IL5RA: variants seen among roughly 807,000 people sequenced by gnomAD.
The protein encoded by IL5RA is interleukin 5 receptor subunit alpha, also known as interleukin-5 receptor subunit alpha.
In IL5RA, 49 loss-of-function variants were observed where a neutral mutation model predicts 50.0. The observed-to-expected ratio is 0.98, with a 90% CI of 0.78 to 1.24. IL5RA has a LOEUF of 1.24. IL5RA is among the 50% of genes most tolerant of loss of function. The pLI is 0.00. For missense variants in IL5RA, 600 were observed against 500.4 expected, an observed-to-expected ratio of 1.20 and a Z score of -1.90; for synonymous variants, 202 against 174.0, an observed-to-expected ratio of 1.16 and a Z score of -1.26.
At chr3:3,086,440 G>A (rs1249405449) in intron 9 of IL5RA, among the ~76,000 whole-genome samples, 1 of 152,040 alleles carries the variant, frequency 6.6e-6, no homozygotes, top group Non-Finnish European at 1.5e-5. Context: ...AGTTTAAAAA[G>A]GAGAAAGACA....
At chr3:3,104,826 T>A in intron 3 of IL5RA, 77 bp downstream of exon 3, 1 of 880,340 alleles carries the variant, frequency 1.1e-6, no homozygotes, top group Non-Finnish European at 1.9e-6. Context: ...ATCGACAGTT[T>A]AAGAGGAAAT....
chr3:3,105,931 G>A (rs1001644815), intron 2 of IL5RA, among the ~76,000 whole-genome samples: 9 of 152,086 alleles, frequency 5.9e-5, no homozygotes, highest in South Asian at 4.1e-4. Context: ...CAAATAACAC[G>A]CATGGCTTCC....
At chr3:3,090,139 T>G in intron 9 of IL5RA, 2 of 1,480,870 alleles carry the variant, frequency 1.4e-6, no homozygotes, top group East Asian at 2.3e-5. Context: ...AGCATAGTGC[T>G]TGGCAAAATA....
At position 3,101,851 on chromosome 3, in the gene IL5RA, T is replaced by C. The variant is rs1390220874; in HGVS notation, c.229-21A>G. 1.9e-6 allele frequency: 3 copies of C among 1,607,122 alleles called. No individual in the cohort carries two copies. The African/African-American group carries it at 4.0e-5, about 22-fold the overall frequency. On this transcript the variant is annotated intron_variant, in intron 4 of 11. Coordinates refer to ENST00000446632, the MANE Select transcript of IL5RA (RefSeq NM_175726.4). ...TCATACTAAAAATAAAACCCACAAGTCATGATACATAAAAGAGAACTAGAC... is the reference window on the plus strand; with the variant it reads ...TCATACTAAAAATAAAACCCACAAGCCATGATACATAAAAGAGAACTAGAC...
intron 5 of IL5RA, among the ~76,000 whole-genome samples, chr3:3,098,606 C>T (rs9877044): frequency 6.6e-6 from 1 of 152,070 alleles, no homozygotes; most frequent in African/African-American, 2.4e-5. Context: ...TGGCGTTTCA[C>T]CATGATGGCC....
chr3:3,102,533 A>C, intron 4 of IL5RA, 142 bp downstream of exon 4: 1 of 576,096 alleles, frequency 1.7e-6, no homozygotes, highest in Non-Finnish European at 3.0e-6. Context: ...GCATTCTTAG[A>C]GAGACACTAT....
chr3:3,107,287 G>A (rs1414391318), intron 2 of IL5RA, among the ~76,000 whole-genome samples: 1 of 150,236 alleles, frequency 6.7e-6, no homozygotes, highest in Non-Finnish European at 1.5e-5. Context: ...TTTTACATAA[G>A]GTTGAATAGT....
At chr3:3,071,456 A>T (rs976761273) in intron 11 of IL5RA, among the ~76,000 whole-genome samples, 25 of 152,180 alleles carry the variant, frequency 1.6e-4, no homozygotes, top group African/African-American at 4.8e-4. Context: ...CTCTATAAAA[A>T]TTGTCTAAAT....
intron 9 of IL5RA, among the ~76,000 whole-genome samples, chr3:3,088,652 T>C (rs1209512792): frequency 6.6e-6 from 1 of 152,232 alleles, no homozygotes; most frequent in East Asian, 1.9e-4. Flanking sequence ...TGACTATGAC[T>C]TCAAAAGTCA....
At chr3:3,091,606 C>T (rs1440912837) in intron 9 of IL5RA, among the ~76,000 whole-genome samples, 1 of 152,134 alleles carries the variant, frequency 6.6e-6, no homozygotes, top group African/African-American at 2.4e-5. Context: ...GTGGCATGTG[C>T]CTGCAGTCCC....
At chr3:3,076,719 C>A in intron 9 of IL5RA, 92 bp from the exon 10 acceptor site, 1 of 772,020 alleles carries the variant, frequency 1.3e-6, no homozygotes, top group Admixed American at 2.5e-5. Flanking sequence ...CATCAGACAG[C>A]TCAGGTTTGA....
At chr3:3,085,116 C>T (rs1702804925) in intron 9 of IL5RA, among the ~76,000 whole-genome samples, 1 of 152,230 alleles carries the variant, frequency 6.6e-6, no homozygotes, top group Non-Finnish European at 1.5e-5. Flanking sequence ...AATGGTGGGG[C>T]TGCCAGGTGG....
At chr3:3,076,343 G>A (rs1457767867) in intron 10 of IL5RA, among the ~76,000 whole-genome samples, 188 bp downstream of exon 10, 2 of 152,112 alleles carry the variant, frequency 1.3e-5, no homozygotes, top group African/African-American at 4.8e-5. Context: ...TCCAACTTCT[G>A]TAAATCACCT....
intron 8 of IL5RA, among the ~76,000 whole-genome samples, chr3:3,094,128 TATA>T (rs1199736169): frequency 6.6e-6 from 1 of 152,250 alleles, no homozygotes; most frequent in Admixed American, 6.5e-5. Context: ...GTAAAATACA[TATA>T]ATGAAATTTA....
chr3:3,100,142 C>A (rs1254306967), intron 5 of IL5RA, among the ~76,000 whole-genome samples: 1 of 151,298 alleles, frequency 6.6e-6, no homozygotes, highest in Non-Finnish European at 1.5e-5. Context: ...AGGAAACAAG[C>A]TCTTGCACCT....
At position 3,101,696 on chromosome 3, in the gene IL5RA, T is replaced by G. The variant is rs1201300055; in HGVS notation, c.363A>C (p.Pro121=). 1 of 1,613,654 alleles carries G rather than the reference T, an allele frequency of 6.2e-7. No homozygotes were observed. The highest frequency in any genetic ancestry group is 8.5e-7 in the Non-Finnish European group (1 of 1,179,886). The change falls in exon 5 of 12, where the codon CCA becomes CCC. Residue 121 remains proline (P), a synonymous_variant. Transcript: ENST00000446632. ...ACTTTTGGAGGCCTGCTTTACCTGG[T>G]GGGGCATGAAGTTCAGCAGAAGCCC... ...SSWASAELHA[P]PGSPGTSIVN... is the part of the protein sequence containing the mutation.
At chr3:3,089,966 A>G (rs1472478373) in intron 9 of IL5RA, 1 of 439,176 alleles carries the variant, frequency 2.3e-6, no homozygotes, top group Non-Finnish European at 4.1e-6. Context: ...AGCTTGCAGA[A>G]TCCTGTCCCA....
In IL5RA at chr3:3,092,603, C is replaced by A. The variant is rs1291334317; in HGVS notation, c.856-241G>T. Among the ~76,000 whole-genome samples the A allele has an allele frequency of 1.3e-5, 2 of 152,180 alleles. No homozygotes were observed. Among genetic ancestry groups the A allele is most frequent in the East Asian group, 3.8e-4 (2 of 5,200 alleles). ...TACGAAATGATCAACGGTCAAGATC[C>A]AGGTGTTCCTATCCAGGCCCAGCTG... On this transcript the variant is annotated intron_variant, in intron 8 of 11. Coordinates refer to ENST00000446632, the MANE Select transcript of IL5RA (RefSeq NM_175726.4). The surrounding 1 kb of genome is among the most constrained non-coding windows in gnomAD (Gnocchi z 4.2).
intron 9 of IL5RA, among the ~76,000 whole-genome samples, chr3:3,081,855 C>T (rs552032093): frequency 6.4e-4 from 98 of 152,198 alleles, no homozygotes; most frequent in Admixed American, 1.3e-3. Flanking sequence ...AGTCATTTCT[C>T]CTGGCCTGGC....
Sources: gnomAD v4.1 joint callset for allele counts (sites outside exome capture counted in the v4.1 genomes callset) on GRCh38, gnomAD v4.1.1 for gene constraint, Gnocchi (gnomAD v3.1) non-coding constraint, MANE v1.5 for transcripts, NCBI Gene and HGNC (gene_info 2026-07-23, HGNC 2026-07-21) for gene names.